Variants in WWOX observed in about 807,000 individuals in gnomAD.
WWOX encodes WW domain containing oxidoreductase, also known as WW domain-containing oxidoreductase.
In WWOX, 69 loss-of-function variants were observed where a neutral mutation model predicts 46.2. The observed-to-expected ratio is 1.49, with a 90% CI of 1.23 to 1.82. The LOEUF is 1.82. WWOX is among the 40% of genes most tolerant of loss of function. The pLI, the probability that WWOX is intolerant of heterozygous loss-of-function variation, is 0.00. For synonymous variants in WWOX, 359 were observed against 202.6 expected, an observed-to-expected ratio of 1.77 and a Z score of -6.56; for missense variants, 919 against 542.6, an observed-to-expected ratio of 1.69 and a Z score of -6.89.
intron 8 of WWOX, among the ~76,000 whole-genome samples, chr16:78,680,011 C>T (rs1252723011): frequency 6.6e-6 from 1 of 152,232 alleles, no homozygotes; most frequent in Non-Finnish European, 1.5e-5. Flanking sequence ...CCATGCGCTC[C>T]TATCGGTTCT....
intron 8 of WWOX, among the ~76,000 whole-genome samples, chr16:78,792,483 C>T (rs1416484294): frequency 6.6e-6 from 1 of 152,204 alleles, no homozygotes; most frequent in Non-Finnish European, 1.5e-5. Context: ...GTATGTCCCA[C>T]TTACAGACTG....
At position 78,135,843 on chromosome 16, in the gene WWOX, A is replaced by G. The variant is rs558395263; in HGVS notation, c.409+20689A>G. On this transcript the variant is annotated intron_variant, in intron 4 of 8. Transcript: ENST00000566780. Reference sequence around the variant, plus strand: ...TGAACATATAAGCACATGTACCTCTATGTGACTTTTGAGACGTCTAGAATA... The same window carrying G: ...TGAACATATAAGCACATGTACCTCTGTGTGACTTTTGAGACGTCTAGAATA... Among the ~76,000 whole-genome samples, 45 of 152,314 alleles carry G rather than the reference A, an allele frequency of 3.0e-4. 1 individual carries two copies. Among genetic ancestry groups the G allele is most frequent in the African/African-American group, 1.0e-3 (42 of 41,560 alleles).
intron 8 of WWOX, among the ~76,000 whole-genome samples, chr16:78,847,967 A>T (rs968738918): frequency 2.0e-5 from 3 of 152,128 alleles, no homozygotes; most frequent in Non-Finnish European, 4.4e-5. Context: ...CTGCTGGAGC[A>T]TGGTGGCCAC....
chr16:79,093,650 T>C (rs1488972294), intron 8 of WWOX, among the ~76,000 whole-genome samples: 1 of 152,160 alleles, frequency 6.6e-6, no homozygotes, highest in Non-Finnish European at 1.5e-5. Flanking sequence ...ATCACGACAT[T>C]ACTTTTACCG....
chr16:79,130,526 C>G (rs2049855136), intron 8 of WWOX, among the ~76,000 whole-genome samples: 1 of 152,124 alleles, frequency 6.6e-6, no homozygotes, highest in Non-Finnish European at 1.5e-5. Flanking sequence ...GAGATCAGGA[C>G]TCAAGGACTG....
intron 5 of WWOX, among the ~76,000 whole-genome samples, chr16:78,301,370 C>T (rs1027743117): frequency 3.3e-5 from 5 of 152,128 alleles, no homozygotes; most frequent in Non-Finnish European, 7.3e-5. Flanking sequence ...TTTCTGGATA[C>T]TGTGTATACT....
At chr16:78,923,283 C>G (rs1276040620) in intron 8 of WWOX, among the ~76,000 whole-genome samples, 1 of 152,040 alleles carries the variant, frequency 6.6e-6, no homozygotes, top group African/African-American at 2.4e-5. Flanking sequence ...GCCCGGCCAT[C>G]TTTCTTTTTC....
chr16:78,975,650 C>G (rs956792091), intron 8 of WWOX, among the ~76,000 whole-genome samples: 2 of 152,092 alleles, frequency 1.3e-5, no homozygotes, highest in South Asian at 2.1e-4. Context: ...TCCCTCAAAA[C>G]CAATGTTAAC....
At chr16:79,163,816 A>AAAAAG (rs1294854077) in intron 8 of WWOX, among the ~76,000 whole-genome samples, 7,124 of 122,716 alleles carry the variant, frequency 0.058, 295 homozygotes, top group African/African-American at 0.088. Flanking sequence ...AAAAAAAAAA[A>AAAAAG]AGAGAGAGAG....
intron 5 of WWOX, among the ~76,000 whole-genome samples, chr16:78,310,352 A>G (rs992859170): frequency 7.2e-5 from 11 of 152,226 alleles, no homozygotes; most frequent in Non-Finnish European, 1.6e-4. Context: ...ATGCACGCAC[A>G]CACAGCCTGC....
intron 8 of WWOX, among the ~76,000 whole-genome samples, chr16:78,755,336 C>T (rs2049615916): frequency 6.6e-6 from 1 of 151,946 alleles, no homozygotes; most frequent in African/African-American, 2.4e-5. Context: ...TTCGAGAAGG[C>T]AATATAGAAA....
chr16:78,447,136 G>C (rs887768181), intron 8 of WWOX, among the ~76,000 whole-genome samples: 1 of 152,172 alleles, frequency 6.6e-6, no homozygotes, highest in Non-Finnish European at 1.5e-5. Context: ...CAGACAGGCA[G>C]AGTATTTGAT....
At chr16:78,971,646 C>T (rs914247381) in intron 8 of WWOX, among the ~76,000 whole-genome samples, 2 of 151,870 alleles carry the variant, frequency 1.3e-5, no homozygotes, top group Non-Finnish European at 2.9e-5. Context: ...GTTACAATAT[C>T]CCTTATATTC....
At chr16:78,817,773 T>G (rs1439114551) in intron 8 of WWOX, among the ~76,000 whole-genome samples, 1 of 152,110 alleles carries the variant, frequency 6.6e-6, no homozygotes, top group Admixed American at 6.5e-5. Flanking sequence ...AGATTGCGCC[T>G]CCTCACCCTC....
At chr16:78,557,008 G>C (rs749467356) in intron 8 of WWOX, among the ~76,000 whole-genome samples, 2 of 152,058 alleles carry the variant, frequency 1.3e-5, no homozygotes, top group Admixed American at 6.5e-5. Context: ...GTGAGCCACC[G>C]AGCCCAGCCG....
intron 8 of WWOX, among the ~76,000 whole-genome samples, chr16:79,047,672 A>ATTTTTTTTTTTTTTTTTTT (rs71140858): frequency 1.9e-5 from 1 of 53,540 alleles, no homozygotes; most frequent in Non-Finnish European, 3.5e-5. Flanking sequence ...GACTGTCCTG[A>ATTTTTTTTTTTTTTTTTTT]TTTTTTTTTT....
chr16:78,783,494 A>T (rs2050379748), intron 8 of WWOX, among the ~76,000 whole-genome samples: 1 of 152,188 alleles, frequency 6.6e-6, no homozygotes, highest in South Asian at 2.1e-4. Context: ...AGCTCTTTGT[A>T]CCAAAGCAAG....
intron 5 of WWOX, among the ~76,000 whole-genome samples, chr16:78,214,058 A>T (rs1187789622): frequency 6.6e-6 from 1 of 152,152 alleles, no homozygotes; most frequent in Admixed American, 6.5e-5. Flanking sequence ...CACCTGGCCC[A>T]TCAGACTTAC....
At chr16:78,280,291 T>C (rs1002219517) in intron 5 of WWOX, among the ~76,000 whole-genome samples, 8 of 152,252 alleles carry the variant, frequency 5.3e-5, no homozygotes, top group Non-Finnish European at 1.0e-4. Flanking sequence ...TTTGGAATTG[T>C]AGTTGTAATG....
Sources: allele counts gnomAD v4.1 joint callset (sites outside exome capture counted in the v4.1 genomes callset), GRCh38; gene constraint gnomAD v4.1.1; transcripts MANE v1.5; gene names NCBI Gene and HGNC (gene_info 2026-07-23, HGNC 2026-07-21).